Variants in PNPLA5 observed in about 807,000 individuals in gnomAD.
PNPLA5 encodes the protein patatin-like phospholipase domain-containing protein 5.
PNPLA5 carries 44 observed loss-of-function variants against 49.1 expected under a neutral mutation model. The ratio of observed to expected loss-of-function variants is 0.90; its 90% CI spans 0.70 to 1.15. The LOEUF (loss-of-function observed/expected upper bound fraction) is 1.15. Among genes scored for constraint, PNPLA5 ranks in the 50% most tolerant of loss-of-function variants. PNPLA5 has a pLI of 0.00. For synonymous variants in PNPLA5, 243 were observed against 244.4 expected (o/e 0.99, Z 0.06); for missense variants, 603 against 564.0 (o/e 1.07, Z -0.70).
chr22:43,890,592 C>T (rs778600842), intron 2 of PNPLA5, among the ~76,000 whole-genome samples: 10 of 152,186 alleles, frequency 6.6e-5, no homozygotes, highest in East Asian at 3.8e-4. Context: ...AGTTCATTAT[C>T]GATACCGCCT....
intron 1 of PNPLA5, 49 bp from the exon 2 acceptor site, chr22:43,891,343 C>T: frequency 6.6e-7 from 1 of 1,513,096 alleles, no homozygotes; most frequent in Non-Finnish European, 8.8e-7. Flanking sequence ...GGGATCCTGC[C>T]AGTCCCTCCA....
chr22:43,882,341 G>C (rs2049618890), intron 7 of PNPLA5, among the ~76,000 whole-genome samples: 2 of 152,242 alleles, frequency 1.3e-5, no homozygotes, highest in African/African-American at 4.8e-5. Context: ...TGTCTGCAGA[G>C]CCACAGCCCT....
rs1391393568 is a variant in PNPLA5 at position 43,891,175 on chromosome 22, G to C, written c.313C>G (p.Pro105Ala). 6 of 1,598,296 alleles carry C rather than the reference G, an allele frequency of 3.8e-6. No individual in the cohort carries two copies. Among genetic ancestry groups the C allele is most frequent in the Non-Finnish European group, 3.4e-6 (4 of 1,170,046 alleles). The change falls in exon 2 of 9, where the codon CCC becomes GCC. Residue 105 changes from proline (P) to alanine (A), a missense_variant. Pro to Ala is a conservative substitution (Grantham distance 27). Coordinates refer to ENST00000216177, the MANE Select transcript of PNPLA5 (RefSeq NM_138814.4). ...HVKQQLQDAL[P>A]PDAHVLASQR... ...GAGGCCAGGACGTGGGCGTCGGGGG[G>C]CAGAGCATCCTGCAGCTGCTGCTTG...
At chr22:43,884,720 A>G (rs1603412439) in intron 6 of PNPLA5, among the ~76,000 whole-genome samples, 1 of 112,042 alleles carries the variant, frequency 8.9e-6, no homozygotes, top group Non-Finnish European at 2.0e-5. Context: ...TGCTCTCACC[A>G]CACTCTCTCA....
chr22:43,891,469 G>A (rs2049722865), intron 1 of PNPLA5, 175 bp from the exon 2 acceptor site: 2 of 943,842 alleles, frequency 2.1e-6, no homozygotes, highest in Admixed American at 1.2e-4. Context: ...TTTTTGCCCC[G>A]CCGACCTGGG....
At chr22:43,881,712 C>A in intron 7 of PNPLA5, 38 bp from the exon 8 acceptor site, 2 of 1,603,272 alleles carry the variant, frequency 1.2e-6, no homozygotes, top group Non-Finnish European at 1.7e-6. Flanking sequence ...CCAGGTGAGC[C>A]TGGGGTGTGG....
In PNPLA5 at chr22:43,891,309, G is replaced by A. The variant is rs1306245040; in HGVS notation, c.194-15C>T. The A allele has an allele frequency of 1.3e-6, 2 of 1,546,462 alleles. No homozygotes were observed. Among genetic ancestry groups the A allele is most frequent in the African/African-American group, 1.4e-5 (1 of 73,206 alleles). On this transcript the variant is annotated splice_polypyrimidine_tract_variant and intron_variant, in intron 1 of 8. Coordinates refer to ENST00000216177, the MANE Select transcript of PNPLA5 (RefSeq NM_138814.4). ...GCAGCAGAAGTCTGCAGTGGGGGCA[G>A]GGAAAGGGAGACCTCAGCGCCCAGG...
In PNPLA5 at chr22:43,891,706, C is replaced by A; in HGVS notation, c.175G>T (p.Val59Phe). The stretch of plus-strand genomic sequence containing the variant: ...GACTCACCGACCGACTTGCCGCAGA[C>A]GATGCTGACTGCGTTGAGCGCCCCA... The part of the protein sequence containing the change: ...SSGALNAVSI[V>F]CGKSVDFCCS... The change falls in exon 1 of 9, where the codon GTC becomes TTC. Residue 59 changes from valine to phenylalanine, a missense_variant. Val to Phe is a conservative substitution (Grantham distance 50). Transcript: ENST00000216177. 1.3e-6 allele frequency: 2 copies of A among 1,547,652 alleles called. No homozygotes were observed. Among genetic ancestry groups the A allele is most frequent in the Non-Finnish European group, 1.7e-6 (2 of 1,146,038 alleles).
intron 1 of PNPLA5, 38 bp downstream of exon 1, chr22:43,891,650 G>GA: frequency 2.6e-6 from 4 of 1,513,038 alleles, no homozygotes; most frequent in Non-Finnish European, 3.5e-6. Context: ...TCATTAAGCT[G>GA]TCCCCGCCCC....
chr22:43,887,815 C>CA (rs2049681888), intron 4 of PNPLA5, 164 bp from the exon 5 acceptor site: 10 of 618,040 alleles, frequency 1.6e-5, no homozygotes, highest in Non-Finnish European at 2.0e-5. Flanking sequence ...TGGGCAGGAC[C>CA]TTAGCACTGG....
chr22:43,890,593 G>A lies in PNPLA5; in HGVS notation c.426+469C>T, dbSNP rs912338464. On this transcript the variant is annotated intron_variant, in intron 2 of 8. Coordinates refer to ENST00000216177, the MANE Select transcript of PNPLA5 (RefSeq NM_138814.4). ...CTTACTTGGAGATGAGTTCATTATC[G>A]ATACCGCCTGCCCCCCAGAACCACT... 5.3e-5 allele frequency among the ~76,000 whole-genome samples: 8 copies of A among 152,278 alleles called. No homozygotes were observed. The East Asian group carries it at 1.4e-3, about 26-fold the overall frequency.
intron 6 of PNPLA5, among the ~76,000 whole-genome samples, chr22:43,885,575 C>T (rs2049655827): frequency 2.0e-5 from 3 of 152,146 alleles, no homozygotes; most frequent in Non-Finnish European, 4.4e-5. Flanking sequence ...GCCATGCCCT[C>T]TCCCCGATGC....
At chr22:43,881,473 G>C (rs1603412133) in intron 8 of PNPLA5, 85 bp downstream of exon 8, 1 of 1,373,052 alleles carries the variant, frequency 7.3e-7, no homozygotes, top group East Asian at 2.5e-5. Context: ...GGCATGGCCG[G>C]CCTACCCAGG....
chr22:43,880,925 T>C, intron 8 of PNPLA5, 40 bp from the exon 9 acceptor site: 1 of 1,308,184 alleles, frequency 7.6e-7, no homozygotes. Context: ...TGCCTGGGGC[T>C]CGGGAAGGGT....
At chr22:43,881,457 G>C in intron 8 of PNPLA5, 101 bp downstream of exon 8, 1 of 1,212,872 alleles carries the variant, frequency 8.2e-7, no homozygotes. Flanking sequence ...AGGTGGGCAG[G>C]CAGATGGCAT....
rs1241578009 is a variant in PNPLA5 at position 43,889,533 on chromosome 22, G to A, written c.498C>T (p.Tyr166=). The A allele has an allele frequency of 1.2e-6, 2 of 1,605,322 alleles. No individual in the cohort carries two copies. The highest frequency in any genetic ancestry group is 1.7e-5 in the Admixed American group (1 of 59,476). ...AGTTGTTGCTCAGAGCCCCATCGAT[G>A]TAGCGCTGCAATTTGTGGGGAGCAG... ...LIPPEFRGER[Y]IDGALSNNLP... Residue 166 remains tyrosine, a synonymous_variant, in exon 4 of 9, where the codon TAC becomes TAT. Transcript: ENST00000216177.
At chr22:43,890,985 G>T in intron 2 of PNPLA5, 77 bp downstream of exon 2, 1 of 1,531,012 alleles carries the variant, frequency 6.5e-7, no homozygotes, top group Non-Finnish European at 8.8e-7. Context: ...ACGTCTGACG[G>T]GGAAGTACCT....
chr22:43,887,560 G>C, intron 5 of PNPLA5, 31 bp downstream of exon 5: 2 of 1,602,770 alleles, frequency 1.2e-6, no homozygotes, highest in Non-Finnish European at 1.7e-6. Flanking sequence ...TGTGGGACAT[G>C]ATCCCCAGCC....
At chr22:43,885,193 T>C (rs11090611) in intron 6 of PNPLA5, among the ~76,000 whole-genome samples, 57,260 of 152,134 alleles carry the variant, frequency 0.38, 11,996 homozygotes, top group East Asian at 0.93. Flanking sequence ...TGGCTACAGG[T>C]ACACTGCCGG....
Sources: gnomAD v4.1 joint callset for allele counts (sites outside exome capture counted in the v4.1 genomes callset) on GRCh38, gnomAD v4.1.1 for gene constraint, MANE v1.5 for transcripts, NCBI Gene and HGNC (gene_info 2026-07-23, HGNC 2026-07-21) for gene names.